C4BPB: variants seen among roughly 807,000 people sequenced by gnomAD.
C4BPB encodes complement component 4 binding protein beta.
Under a neutral mutation model 26.6 loss-of-function variants are expected in C4BPB, and 19 were observed. The ratio of observed to expected loss-of-function variants is 0.71; its 90% CI spans 0.50 to 1.05. The LOEUF (loss-of-function observed/expected upper bound fraction) is 1.05. Ranked by LOEUF, C4BPB falls within the 50% of genes least tolerant of loss-of-function variation. C4BPB has a pLI of 0.00. For missense variants in C4BPB, 282 were observed against 302.9 expected (o/e 0.93, Z 0.51); for synonymous variants, 118 against 103.5 (o/e 1.14, Z -0.85).
intron 1 of C4BPB, 81 bp from the exon 2 acceptor site, chr1:207,089,401 T>A: frequency 1.5e-6 from 1 of 682,528 alleles, no homozygotes; most frequent in Non-Finnish European, 2.5e-6. Context: ...GGAGGGTAAA[T>A]CAATATAACC....
chr1:207,095,160 T>C (rs545264960), intron 4 of C4BPB: 42 of 389,396 alleles, frequency 1.1e-4, no homozygotes, highest in African/African-American at 7.9e-4. Flanking sequence ...TGATATTATT[T>C]AACCTGCTTA....
In C4BPB at chr1:207,096,521, G is replaced by A; in HGVS notation, c.410-1G>A. The stretch of plus-strand genomic sequence containing the variant: ...ATGACTTCTATACTCGTTTCTCTCA[G>A]GGGACTGTGACCCTCCTGGGAATCC... On this transcript the variant is annotated splice_acceptor_variant, in intron 4 of 6. Transcript: ENST00000367078. LOFTEE classifies it high-confidence loss of function. 2 of 1,586,306 alleles carry A rather than the reference G, an allele frequency of 1.3e-6. No individual in the cohort carries two copies. The highest frequency in any genetic ancestry group is 2.2e-5 in the East Asian group (1 of 44,728).
chr1:207,099,831 A>G lies in C4BPB; in HGVS notation c.661A>G (p.Asn221Asp). The change falls in exon 7 of 7, where the codon AAC (asparagine) becomes GAC (aspartate). Residue 221 changes from asparagine to aspartate, a missense_variant. By Grantham distance (23) the Asn-to-Asp change is conservative. Transcript: ENST00000367078. ...TAAGAACCTCTGCGAAGCCATGGAG[A>G]ACTTTATGCAACAATTAAAGGAAAG... ...ESKNLCEAME[N>D]FMQQLKESGM... The G allele has an allele frequency of 4.3e-6, 7 of 1,613,944 alleles. No homozygotes were observed. Among genetic ancestry groups the G allele is most frequent in the Non-Finnish European group, 5.9e-6 (7 of 1,179,856 alleles).
At chr1:207,093,340 G>A (rs1684115459) in intron 4 of C4BPB, among the ~76,000 whole-genome samples, 1 of 152,168 alleles carries the variant, frequency 6.6e-6, no homozygotes, top group South Asian at 2.1e-4. Flanking sequence ...TTGGGAAAAT[G>A]ATGAATGATG....
At chr1:207,095,338 CT>C in intron 4 of C4BPB, 1 of 456,606 alleles carries the variant, frequency 2.2e-6, no homozygotes, top group Non-Finnish European at 4.4e-6. Flanking sequence ...TCCCCTATTT[CT>C]TTTTCTTTTG....
chr1:207,095,521 G>T (rs750218519), intron 4 of C4BPB: 5 of 414,982 alleles, frequency 1.2e-5, no homozygotes, highest in Middle Eastern at 5.5e-4. Flanking sequence ...TAGAGACTGG[G>T]TTTCACCATG....
chr1:207,092,919 C>T (rs754525022), intron 4 of C4BPB, among the ~76,000 whole-genome samples: 13 of 152,108 alleles, frequency 8.5e-5, no homozygotes, highest in Non-Finnish European at 5.9e-5. Flanking sequence ...GCCACCGCAC[C>T]AGGCTACTAC....
chr1:207,095,277 C>T (rs1162283414), intron 4 of C4BPB: 1 of 456,640 alleles, frequency 2.2e-6, no homozygotes, highest in South Asian at 1.5e-5. Flanking sequence ...CGTCATCCTG[C>T]TTTCTTTCCA....
In C4BPB at chr1:207,089,510, G is replaced by C. The variant is rs1460362406; in HGVS notation, c.-22G>C. On this transcript the variant is annotated 5_prime_UTR_variant, in exon 2 of 7. Transcript: ENST00000367078. The stretch of plus-strand genomic sequence containing the variant: ...TCTGAGCTGGGTGAATTCCAGCCTG[G>C]GGAGAGGACTTTGATCACCAGATGT... 5.0e-6 allele frequency: 8 copies of C among 1,613,290 alleles called. No individual in the cohort carries two copies. The highest frequency in any genetic ancestry group is 6.8e-6 in the Non-Finnish European group (8 of 1,179,280).
chr1:207,091,574 G>A, intron 3 of C4BPB, 70 bp from the exon 4 acceptor site: 1 of 1,264,836 alleles, frequency 7.9e-7, no homozygotes, highest in South Asian at 1.4e-5. Flanking sequence ...TGAAGACTGA[G>A]GAGGTCTGGC....
At position 207,090,435 on chromosome 1, in the gene C4BPB, T is replaced by G. The variant is rs757438876; in HGVS notation, c.186T>G (p.Phe62Leu). The change falls in exon 3 of 7, where the codon TTT (phenylalanine) becomes TTG (leucine). Residue 62 changes from phenylalanine to leucine, a missense_variant. Transcript: ENST00000367078. ...GYHLVGKKTLFCNASKEWDNT... is the reference protein window; with the variant it reads ...GYHLVGKKTLLCNASKEWDNT... ...ACCTGGTAGGAAAGAAGACCCTTTT[T>G]TGCAATGCCTCTAAGGAGTGGGATA... 1 of 1,614,056 alleles carries G rather than the reference T, an allele frequency of 6.2e-7. No homozygotes were observed. Among genetic ancestry groups the G allele is most frequent in the Non-Finnish European group, 8.5e-7 (1 of 1,179,942 alleles).
intron 4 of C4BPB, chr1:207,095,767 A>C: frequency 3.2e-6 from 1 of 310,762 alleles, no homozygotes; most frequent in Admixed American, 4.8e-5. Context: ...ATTTCTCATG[A>C]ATGGTCTAGC....
Position 207,098,122 on chromosome 1 carries a change from GCTAAGCCTTGTT to G in C4BPB, c.504-23_504-12del. 1 of 1,573,422 alleles carries G rather than the reference GCTAAGCCTTGTT, an allele frequency of 6.4e-7. No individual in the cohort carries two copies. Among genetic ancestry groups the G allele is most frequent in the Non-Finnish European group, 8.7e-7 (1 of 1,143,496 alleles). ...ATTACCCAATTCAGAAAGTGGAAAA[GCTAAGCCTTGTT>G]CTAATTTCTGTTCAGGTACTACTTA... is the stretch of plus-strand genomic sequence containing the variant. On this transcript the variant is annotated splice_polypyrimidine_tract_variant and intron_variant, in intron 5 of 6. Coordinates refer to ENST00000367078, the MANE Select transcript of C4BPB (RefSeq NM_001017365.3).
At chr1:207,094,939 T>C (rs1684182858) in intron 4 of C4BPB, 1 of 189,450 alleles carries the variant, frequency 5.3e-6, no homozygotes, top group Non-Finnish European at 1.1e-5. Context: ...TAACTTTCCA[T>C]ACTTTTTTCC....
Position 207,090,294 on chromosome 1 carries a change from C to A in C4BPB, c.59-14C>A. On this transcript the variant is annotated splice_polypyrimidine_tract_variant and intron_variant, in intron 2 of 6. Coordinates refer to ENST00000367078, the MANE Select transcript of C4BPB (RefSeq NM_001017365.3). ...ATGATATGCCAAGTGAATCTGTTTT[C>A]TTTTTTCTTCCAGCAGAGCACTGTC... 2.5e-6 allele frequency: 4 copies of A among 1,584,136 alleles called. No homozygotes were observed. Among genetic ancestry groups the A allele is most frequent in the East Asian group, 2.3e-5 (1 of 44,070 alleles).
intron 1 of C4BPB, 118 bp from the exon 2 acceptor site, chr1:207,089,364 A>G: frequency 1.7e-6 from 1 of 581,224 alleles, no homozygotes; most frequent in African/African-American, 1.9e-5. Context: ...TTCCTGTCGT[A>G]AGATTTTTTC....
chr1:207,098,174 G>A lies in C4BPB; in HGVS notation c.528G>A (p.Glu176=). 6.2e-7 allele frequency: 1 copy of A among 1,613,938 alleles called. No individual in the cohort carries two copies. The highest frequency in any genetic ancestry group is 8.5e-7 in the Non-Finnish European group (1 of 1,179,822). The change falls in exon 6 of 7, where the codon GAG becomes GAA. Residue 176 remains glutamate, a synonymous_variant. Transcript: ENST00000367078. The part of the protein sequence containing the change: ...EDRYYLVGVQ[E]QQCVDGEWSS... ...GGTACTACTTAGTGGGCGTGCAGGA[G>A]CAGCAATGCGTTGATGGGGAGTGGA...
intron 4 of C4BPB, among the ~76,000 whole-genome samples, chr1:207,094,574 T>C (rs905127182): frequency 6.6e-6 from 1 of 152,228 alleles, no homozygotes; most frequent in Non-Finnish European, 1.5e-5. Flanking sequence ...ACAGGATCCC[T>C]GTCTTTTTAT....
In C4BPB at chr1:207,088,946, G is replaced by C. The variant is rs1402305428; in HGVS notation, c.-51G>C. The C allele has an allele frequency of 1.3e-5, 2 of 153,030 alleles. No homozygotes were observed. The highest frequency in any genetic ancestry group is 2.9e-5 in the Non-Finnish European group (2 of 68,670). 9.5% of individuals were successfully genotyped at this position (153,030 alleles called of 1,614,324 possible). A position where few individuals can be genotyped will look rare whatever the true frequency, so the allele number is the denominator to read the frequency against. ...CCCTAACTCTGGAGGGACAGAGACA[G>C]GTAAGGTTAGTTTACTTCCTTGAGC... On this transcript the variant is annotated splice_region_variant and 5_prime_UTR_variant, in exon 1 of 7. Coordinates refer to ENST00000367078, the MANE Select transcript of C4BPB (RefSeq NM_001017365.3).
Sources: allele counts gnomAD v4.1 joint callset (sites outside exome capture counted in the v4.1 genomes callset), GRCh38; gene constraint gnomAD v4.1.1; transcripts MANE v1.5; gene names NCBI Gene and HGNC (gene_info 2026-07-23, HGNC 2026-07-21).